KYNU: variants seen among roughly 807,000 people sequenced by gnomAD.
KYNU encodes the protein L-kynurenine hydrolase.
A neutral mutation model predicts 59.2 loss-of-function variants in KYNU; 54 were observed. The ratio of observed to expected loss-of-function variants is 0.91; its 90% confidence interval spans 0.73 to 1.14. The LOEUF (loss-of-function observed/expected upper bound fraction) is 1.14. Among genes scored for constraint, KYNU ranks in the 50% most tolerant of loss-of-function variants. The pLI is 0.00. For missense variants in KYNU, 567 were observed against 554.4 expected (o/e 1.02, Z -0.23); for synonymous variants, 177 against 192.0 (o/e 0.92, Z 0.65).
intron 2 of KYNU, among the ~76,000 whole-genome samples, chr2:142,905,089 A>G (rs1682244902): frequency 6.6e-6 from 1 of 152,136 alleles, no homozygotes; most frequent in Non-Finnish European, 1.5e-5. Flanking sequence ...GTCAGGAGTG[A>G]GATGGAGTTC....
chr2:142,883,484 C>T (rs149095324), intron 1 of KYNU, among the ~76,000 whole-genome samples: 3,918 of 152,102 alleles, frequency 0.026, 171 homozygotes, highest in Admixed American at 0.11. Context: ...AGGCGTGAGC[C>T]ACTGCGCCTG....
intron 10 of KYNU, among the ~76,000 whole-genome samples, chr2:143,027,728 C>G (rs193142212): frequency 1.3e-3 from 203 of 152,150 alleles, no homozygotes; most frequent in African/African-American, 4.7e-3. Context: ...CTGTTTTATA[C>G]TTAGAAATTT....
In KYNU at chr2:142,911,742, G is replaced by T. The variant is rs369356758; in HGVS notation, c.170-6867G>T. Among the ~76,000 whole-genome samples, 37 of 152,148 alleles carry T rather than the reference G, an allele frequency of 2.4e-4. No individual in the cohort carries two copies. In the South Asian group the frequency reaches 7.7e-3, roughly 32 times the overall value. On this transcript the variant is annotated intron_variant, in intron 2 of 13. Transcript: ENST00000264170. The stretch of plus-strand genomic sequence containing the variant: ...TCCTTTGATGCCTAGTTTGTTGAGG[G>T]TTTTTATCATGAAGGGATATTGGAT...
rs1026023734 is a variant in KYNU, at chr2:143,043,316, C to T, written c.*1144C>T. 2 of 151,948 alleles carry T rather than the reference C, an allele frequency of 1.3e-5. No homozygotes were observed. Among genetic ancestry groups the T allele is most frequent in the Non-Finnish European group, 2.9e-5 (2 of 67,952 alleles). The allele number at this position is 151,948 out of a possible 1,614,324, so 9.4% of individuals were successfully genotyped here. On this transcript the variant is annotated 3_prime_UTR_variant, in exon 14 of 14. Transcript: ENST00000264170. ...GTGAAAAACCTAAAGTTACACTTAG[C>T]CCTGTTGGACTTACCTAGTTTTCAA... is the stretch of plus-strand genomic sequence containing the variant.
At chr2:142,905,200 CGAAATATGAGAGAGGGATCCTGT>C (rs140728183) in intron 2 of KYNU, among the ~76,000 whole-genome samples, 3,930 of 152,156 alleles carry the variant, frequency 0.026, 171 homozygotes, top group Admixed American at 0.11. Context: ...CTTTTGGGTA[CGAAATATGAGAGAGGGATCCTGT>C]TTATCTTATG....
At chr2:142,932,998 C>T (rs1683277674) in intron 4 of KYNU, among the ~76,000 whole-genome samples, 1 of 152,068 alleles carries the variant, frequency 6.6e-6, no homozygotes, top group Non-Finnish European at 1.5e-5. Flanking sequence ...TGGGGGGTTT[C>T]TATGAATAGA....
intron 3 of KYNU, among the ~76,000 whole-genome samples, chr2:142,919,104 T>C (rs531669551): frequency 6.6e-6 from 1 of 152,354 alleles, no homozygotes; most frequent in South Asian, 2.1e-4. Context: ...TCCATTTTTT[T>C]CCCCAAATAT....
At chr2:142,986,445 C>G (rs1220870524) in intron 10 of KYNU, among the ~76,000 whole-genome samples, 1 of 151,816 alleles carries the variant, frequency 6.6e-6, no homozygotes. Context: ...ACCTTTAAAG[C>G]TGTAAATGTT....
chr2:142,978,415 G>T (rs1684950894), intron 8 of KYNU, among the ~76,000 whole-genome samples: 1 of 152,124 alleles, frequency 6.6e-6, no homozygotes, highest in African/African-American at 2.4e-5. Context: ...GTTCTGATTG[G>T]TATGGTATAG....
chr2:142,997,862 A>G (rs1289611501), intron 10 of KYNU, among the ~76,000 whole-genome samples: 1 of 152,154 alleles, frequency 6.6e-6, no homozygotes, highest in Non-Finnish European at 1.5e-5. Flanking sequence ...GAAGAGATCA[A>G]GGAGAGTTTG....
intron 10 of KYNU, among the ~76,000 whole-genome samples, chr2:143,000,655 A>G (rs199537399): frequency 0.18 from 26,753 of 152,040 alleles, 2,977 homozygotes; most frequent in African/African-American, 0.31. Context: ...AAGCTGGCAT[A>G]TCTCTAACTG....
chr2:142,976,774 G>T (rs1573862162), intron 8 of KYNU, among the ~76,000 whole-genome samples: 1 of 152,072 alleles, frequency 6.6e-6, no homozygotes, highest in Admixed American at 6.6e-5. Flanking sequence ...GGTGGTCAGG[G>T]TACAGCTTGC....
At chr2:142,892,837 G>T (rs1344632355) in intron 2 of KYNU, among the ~76,000 whole-genome samples, 2 of 152,120 alleles carry the variant, frequency 1.3e-5, no homozygotes, top group African/African-American at 4.8e-5. Flanking sequence ...GTCACCTGTG[G>T]CCTTGACCTC....
At position 142,957,879 on chromosome 2, in the gene KYNU, G is replaced by A. The variant is rs572440862; in HGVS notation, c.582+164G>A. 8.3e-5 allele frequency: 50 copies of A among 599,118 alleles called. No homozygotes were observed. The African/African-American group carries it at 9.1e-4, about 11-fold the overall frequency. 37.1% of individuals were successfully genotyped at this position (599,118 alleles called of 1,614,324 possible). A position where few individuals can be genotyped will look rare whatever the true frequency, so the allele number is the denominator to read the frequency against. ...CTATTAGATCATTTTGCTTAAAATA[G>A]AGAATAACTCAGATGTGTATTTATT... On this transcript the variant is annotated intron_variant, in intron 7 of 13. Transcript: ENST00000264170.
chr2:142,975,055 G>GA (rs1684845323), intron 8 of KYNU, among the ~76,000 whole-genome samples: 1 of 152,122 alleles, frequency 6.6e-6, no homozygotes, highest in South Asian at 2.1e-4. Context: ...CCCAGCAGAG[G>GA]CCTCACCCTC....
chr2:142,882,302 G>A (rs1193822838), intron 1 of KYNU, among the ~76,000 whole-genome samples: 1 of 151,022 alleles, frequency 6.6e-6, no homozygotes, highest in Non-Finnish European at 1.5e-5. Context: ...GAACTACTGT[G>A]TTATCCTTAA....
In KYNU at chr2:143,017,443, T is replaced by TTTTC. The variant is rs1414045135; in HGVS notation, c.903-12181_903-12180insCTTT. On this transcript the variant is annotated intron_variant, in intron 10 of 13. Coordinates refer to ENST00000264170, the MANE Select transcript of KYNU (RefSeq NM_003937.3). The stretch of plus-strand genomic sequence containing the variant: ...CTTTTCTCTCTTTTTTCTTTTTTTT[T>TTTTC]TTTTTTTTTTTTTTTGAGATGGAGT... 4.4e-5 allele frequency among the ~76,000 whole-genome samples: 6 copies of TTTTC among 136,876 alleles called. No homozygotes were observed. The East Asian group carries it at 1.2e-3, about 28-fold the overall frequency. The allele number at this position is 136,876 out of a possible 152,430, so 89.8% of individuals were successfully genotyped here. A position where few individuals can be genotyped will look rare whatever the true frequency, so the allele number is the denominator to read the frequency against.
intron 4 of KYNU, among the ~76,000 whole-genome samples, chr2:142,933,109 A>G (rs999394179): frequency 2.0e-5 from 3 of 152,154 alleles, no homozygotes; most frequent in Admixed American, 6.5e-5. Context: ...TTAGGTTGGC[A>G]TGGAGAGATA....
chr2:142,907,021 G>T (rs2104960649), intron 2 of KYNU, among the ~76,000 whole-genome samples: 1 of 152,288 alleles, frequency 6.6e-6, no homozygotes, highest in East Asian at 1.9e-4. Flanking sequence ...GCCGACAGGT[G>T]CCCGGTATTT....
Sources: allele counts gnomAD v4.1 joint callset (sites outside exome capture counted in the v4.1 genomes callset), GRCh38; gene constraint gnomAD v4.1.1; transcripts MANE v1.5; gene names NCBI Gene and HGNC (gene_info 2026-07-23, HGNC 2026-07-21).